TMC7: variants seen among roughly 807,000 people sequenced by gnomAD.
TMC7 encodes the protein transmembrane channel like 7, also known as transmembrane channel-like protein 7.
TMC7 carries 54 observed loss-of-function variants against 82.9 expected under a neutral mutation model. That is an observed-to-expected ratio of 0.65 (90% CI 0.52 to 0.82). The LOEUF (loss-of-function observed/expected upper bound fraction) is 0.82, where lower values mean the gene tolerates loss of function less well. Among genes scored for constraint, TMC7 ranks in the 40% least tolerant of loss-of-function variants. The pLI is 0.00. For synonymous variants in TMC7, 350 were observed against 337.9 expected, an observed-to-expected ratio of 1.04 and a Z score of -0.39; for missense variants, 820 against 901.2, an observed-to-expected ratio of 0.91 and a Z score of 1.15.
Position 18,984,123 on chromosome 16 carries a change from C to A in TMC7, c.60C>A (p.Val20=). The part of the protein sequence containing the change: ...QPGRPSRQPA[V]HPENLSLDSS... ...GCAGGCCCAGCCGGCAGCCGGCGGT[C>A]CATCCAGGTAGGGCGGCAGGGAGCG... is the stretch of plus-strand genomic sequence containing the variant. The change falls in exon 1 of 16, where the codon GTC becomes GTA. Residue 20 remains valine, a synonymous_variant. Coordinates refer to ENST00000304381, the MANE Select transcript of TMC7 (RefSeq NM_024847.4). 1 of 1,502,728 alleles carries A rather than the reference C, an allele frequency of 6.7e-7. No individual in the cohort carries two copies. The highest frequency in any genetic ancestry group is 8.8e-7 in the Non-Finnish European group (1 of 1,133,798). The allele number at this position is 1,502,728 out of a possible 1,614,324, so 93.1% of individuals were successfully genotyped here.
At chr16:18,992,610 C>G (rs533177164) in intron 1 of TMC7, among the ~76,000 whole-genome samples, 132 of 152,252 alleles carry the variant, frequency 8.7e-4, no homozygotes, top group Non-Finnish European at 1.7e-3. Flanking sequence ...AATTAGATCC[C>G]TTTTGTCAAT....
chr16:18,993,737 A>G (rs184822437), intron 1 of TMC7, among the ~76,000 whole-genome samples: 7 of 152,290 alleles, frequency 4.6e-5, no homozygotes, highest in Admixed American at 4.6e-4. Flanking sequence ...CTTTCTGCCC[A>G]TATAACAGCA....
In TMC7 at chr16:19,021,908, G is replaced by A. The variant is rs79402306; in HGVS notation, c.628+112G>A. 8.6e-3 allele frequency: 11,105 copies of A among 1,283,892 alleles called. 83 individuals carry two copies. Among genetic ancestry groups the A allele is most frequent in the Middle Eastern group, 0.036 (132 of 3,708 alleles). 79.5% of individuals were successfully genotyped at this position (1,283,892 alleles called of 1,614,324 possible). ...TTCTAATTCTTGGGCGACTGTATTA[G>A]TCAGGATGGTCTAGGTTATGCTGCA... On this transcript the variant is annotated intron_variant, in intron 4 of 15. Transcript: ENST00000304381.
chr16:19,008,008 C>A (rs1203880241), intron 1 of TMC7, among the ~76,000 whole-genome samples: 2 of 152,182 alleles, frequency 1.3e-5, no homozygotes, highest in Non-Finnish European at 2.9e-5. Flanking sequence ...AAGTAACTTT[C>A]ACAAAGACAT....
intron 1 of TMC7, among the ~76,000 whole-genome samples, chr16:18,991,850 CTTGT>C (rs2038957282): frequency 2.6e-5 from 4 of 152,058 alleles, no homozygotes; most frequent in Admixed American, 2.6e-4. Flanking sequence ...GTTTTTTGTC[CTTGT>C]TTGTTTGCTC....
At chr16:19,015,868 G>A (rs771593366) in intron 2 of TMC7, among the ~76,000 whole-genome samples, 5 of 151,912 alleles carry the variant, frequency 3.3e-5, no homozygotes, top group Admixed American at 6.6e-5. Context: ...GAGCCACCAC[G>A]CCCAGCCTCA....
intron 1 of TMC7, among the ~76,000 whole-genome samples, chr16:18,988,458 T>G (rs1329389702): frequency 1.3e-5 from 2 of 151,852 alleles, no homozygotes; most frequent in Admixed American, 1.3e-4. Context: ...TCTGGCTAAT[T>G]TTTTTGAGTT....
At chr16:19,031,809 C>G (rs2034124092) in intron 6 of TMC7, among the ~76,000 whole-genome samples, 1 of 152,190 alleles carries the variant, frequency 6.6e-6, no homozygotes, top group South Asian at 2.1e-4. Context: ...GTTCAGCCAT[C>G]TTCAGCATGT....
intron 5 of TMC7, among the ~76,000 whole-genome samples, chr16:19,024,232 A>C (rs1050255941): frequency 1.1e-4 from 17 of 152,140 alleles, no homozygotes; most frequent in African/African-American, 3.9e-4. Context: ...GGAGTTTGAA[A>C]CCAGCCTGGG....
intron 9 of TMC7, 37 bp from the exon 10 acceptor site, chr16:19,044,847 C>A: frequency 6.6e-7 from 1 of 1,506,924 alleles, no homozygotes; most frequent in Non-Finnish European, 9.2e-7. Flanking sequence ...ACCCTGAGGG[C>A]CTCATCTTCC....
chr16:19,009,334 T>C lies in TMC7; in HGVS notation c.230T>C (p.Leu77Pro). The C allele has an allele frequency of 6.2e-7, 1 of 1,614,208 alleles. No individual in the cohort carries two copies. Residue 77 changes from leucine to proline, a missense_variant, in exon 2 of 16, where the codon CTG becomes CCG. Around this residue, in one of 2 missense-constraint regions of TMC7, gnomAD observed 650 missense variants for 669.9 expected, o/e 0.97. Coordinates refer to ENST00000304381, the MANE Select transcript of TMC7 (RefSeq NM_024847.4). ...CCAACCGACTCTTACAGCTCCCAGC[T>C]GGAGGACAGAATCGCTGAAAACCTC... is the stretch of plus-strand genomic sequence containing the variant. ...LKPTDSYSSQ[L>P]EDRIAENLSS...
chr16:19,015,271 T>G (rs1042278841), intron 2 of TMC7, among the ~76,000 whole-genome samples: 3 of 148,776 alleles, frequency 2.0e-5, no homozygotes, highest in African/African-American at 7.4e-5. Flanking sequence ...GCCTCCTTGT[T>G]TTTTTTTTTG....
In TMC7 at chr16:19,002,537, C is replaced by G. The variant is rs376530836; in HGVS notation, c.68-6635C>G. 3.9e-5 allele frequency among the ~76,000 whole-genome samples: 6 copies of G among 152,220 alleles called. No homozygotes were observed. In the East Asian group the frequency reaches 9.7e-4, roughly 25 times the overall value. ...CAGGCGTGAGCCACAGTGCCCAGCC[C>G]GGATGGAGGGCCTTCTGTGAGCAAG... On this transcript the variant is annotated intron_variant, in intron 1 of 15. Transcript: ENST00000304381.
chr16:19,029,630 C>T (rs1019101841), intron 5 of TMC7, among the ~76,000 whole-genome samples: 3 of 151,580 alleles, frequency 2.0e-5, no homozygotes, highest in African/African-American at 7.3e-5. Context: ...CTGCCTCGGC[C>T]TTCCAAGGTG....
chr16:19,037,291 G>A (rs1201837782), intron 7 of TMC7, among the ~76,000 whole-genome samples: 1 of 150,796 alleles, frequency 6.6e-6, no homozygotes, highest in Non-Finnish European at 1.5e-5. Context: ...GGGAGGCTGA[G>A]GCAGGAGAAT....
At chr16:19,043,780 C>A (rs1005483329) in intron 9 of TMC7, among the ~76,000 whole-genome samples, 8 of 152,108 alleles carry the variant, frequency 5.3e-5, no homozygotes, top group Non-Finnish European at 1.0e-4. Flanking sequence ...CCATGTTGGT[C>A]AGGCTGGTTT....
chr16:19,030,244 C>A lies in TMC7; in HGVS notation c.732C>A (p.Ser244Arg). 1 of 1,611,600 alleles carries A rather than the reference C, an allele frequency of 6.2e-7. No individual in the cohort carries two copies. Among genetic ancestry groups the A allele is most frequent in the South Asian group, 1.1e-5 (1 of 90,782 alleles). The change falls in exon 6 of 16, where the codon AGC becomes AGA. Residue 244 changes from serine to arginine, a missense_variant. Transcript: ENST00000304381. ...LSGTGFLEET[S>R]LFYGHYTIDG... ...TTCAGGGTTTCCTGGAGGAAACTAG[C>A]CTCTTTTACGGACATTACACCATTG...
At chr16:19,018,387 CCTT>C (rs1419468149) in intron 3 of TMC7, among the ~76,000 whole-genome samples, 2 of 152,094 alleles carry the variant, frequency 1.3e-5, no homozygotes, top group Non-Finnish European at 1.5e-5. Context: ...CTCGAACAGG[CCTT>C]CTTGCTGTGT....
At position 19,026,647 on chromosome 16, in the gene TMC7, G is replaced by A. The variant is rs1000281242; in HGVS notation, c.711+3452G>A. ...AAAATTTTATAGGAGAGTTAGCTGC[G>A]CTTAATTATAGATGTTCAATAAAGT... On this transcript the variant is annotated intron_variant, in intron 5 of 15. Transcript: ENST00000304381. Among the ~76,000 whole-genome samples the A allele has an allele frequency of 5.9e-4, 90 of 152,200 alleles. 1 individual carries two copies. The highest frequency in any genetic ancestry group is 3.9e-4 in the African/African-American group (16 of 41,538).
Sources: allele counts gnomAD v4.1 joint callset (sites outside exome capture counted in the v4.1 genomes callset), GRCh38; gene constraint gnomAD v4.1.1; regional missense constraint gnomAD v4.1.1; transcripts MANE v1.5; gene names NCBI Gene and HGNC (gene_info 2026-07-23, HGNC 2026-07-21).